The following NUP205 variants were observed in gnomAD, a reference collection of about 807,000 sequenced individuals.
NUP205 encodes nuclear pore complex protein Nup205.
NUP205 carries 76 observed loss-of-function variants against 253.8 expected under a neutral mutation model. The ratio of observed to expected loss-of-function variants is 0.30; its 90% CI spans 0.25 to 0.36. The LOEUF is 0.36. NUP205 is among the 10% of genes least tolerant of loss of function. NUP205 has a pLI of 1.00. For synonymous variants in NUP205, 832 were observed against 850.1 expected (o/e 0.98, Z 0.37); for missense variants, 2,162 against 2,425.5 (o/e 0.89, Z 2.28).
Position 135,618,985 on chromosome 7 carries a change from CCTTT to C in NUP205, c.3963+402_3963+405del, listed in dbSNP as rs759829106. On this transcript the variant is annotated intron_variant, in intron 28 of 42. Transcript: ENST00000285968. ...TAAATTTCTCTGTATATATTAGATTCCTTTCTTTCTTTCTTTCTTTCTTGACTAA... is the reference window on the plus strand; with the variant it reads ...TAAATTTCTCTGTATATATTAGATTCCTTTCTTTCTTTCTTTCTTGACTAA... Among the ~76,000 whole-genome samples the C allele has an allele frequency of 8.5e-5, 13 of 152,088 alleles. 1 individual carries two copies. Among genetic ancestry groups the C allele is most frequent in the African/African-American group, 2.7e-4 (11 of 41,478 alleles).
At position 135,587,679 on chromosome 7, in the gene NUP205, C is replaced by G; in HGVS notation, c.1323C>G (p.His441Gln). The G allele has an allele frequency of 1.3e-6, 2 of 1,597,090 alleles. No individual in the cohort carries two copies. The highest frequency in any genetic ancestry group is 1.7e-6 in the Non-Finnish European group (2 of 1,170,686). Residue 441 changes from histidine to glutamine, a missense_variant, in exon 9 of 43, where the codon CAC (histidine) becomes CAG (glutamine). This residue lies in a region of NUP205 where 892 missense variants were observed against 957.1 expected (regional missense o/e 0.93). Transcript: ENST00000285968. ...TTTCACTTAGAAGGGACCTGGAACA[C>G]TTAATGCTTTTGGTAAGCCATTATA... ...PPISLRRDLE[H>Q]LMLLIGELYK...
intron 22 of NUP205, among the ~76,000 whole-genome samples, chr7:135,612,320 A>T (rs561190433): frequency 6.6e-6 from 1 of 152,302 alleles, no homozygotes; most frequent in South Asian, 2.1e-4. Context: ...ATTCATAATC[A>T]TGTTTTATGT....
intron 7 of NUP205, among the ~76,000 whole-genome samples, chr7:135,579,363 T>G (rs1806244126): frequency 6.6e-6 from 1 of 151,412 alleles, no homozygotes. Context: ...CCTGGCTAAT[T>G]GTGTATTTTT....
chr7:135,633,492 T>A (rs1167594548), intron 35 of NUP205, among the ~76,000 whole-genome samples: 1 of 152,248 alleles, frequency 6.6e-6, no homozygotes, highest in Non-Finnish European at 1.5e-5. Context: ...GTGTGGCATT[T>A]AATAATTTTG....
chr7:135,570,686 A>G (rs1221171966), intron 1 of NUP205, among the ~76,000 whole-genome samples: 1 of 86,142 alleles, frequency 1.2e-5, no homozygotes, highest in African/African-American at 4.0e-5. Flanking sequence ...TATATTAATT[A>G]TATTAATATA....
At chr7:135,578,423 G>A (rs931392601) in intron 6 of NUP205, among the ~76,000 whole-genome samples, 1 of 152,120 alleles carries the variant, frequency 6.6e-6, no homozygotes, top group Non-Finnish European at 1.5e-5. Flanking sequence ...AAATTTTTGT[G>A]ATCTTTAGAT....
intron 30 of NUP205, 31 bp from the exon 31 acceptor site, chr7:135,622,746 G>A: frequency 1.2e-6 from 2 of 1,605,712 alleles, no homozygotes; most frequent in Non-Finnish European, 1.7e-6. Context: ...GCTTTTTACT[G>A]GAGTGTTTTT....
rs1189087688 is a variant in NUP205, at chr7:135,576,992, C to T, written c.512C>T (p.Thr171Ile). Reference protein sequence around the residue: ...ELSPELASMTTRFTDELMEQG... With the variant: ...ELSPELASMTIRFTDELMEQG... ...AGTCCAGAGCTGGCTTCCATGACAA[C>T]ACGCTTTACAGATGAGCTGATGGAG... The change falls in exon 5 of 43, where the codon ACA becomes ATA. Residue 171 changes from threonine (T) to isoleucine (I), a missense_variant. Around this residue, in one of 5 missense-constraint regions of NUP205, gnomAD observed 892 missense variants for 957.1 expected, o/e 0.93. Transcript: ENST00000285968. The T allele has an allele frequency of 1.2e-6, 2 of 1,613,510 alleles. No individual in the cohort carries two copies. The highest frequency in any genetic ancestry group is 1.7e-5 in the Admixed American group (1 of 59,794).
rs777937995 is a variant in NUP205, at chr7:135,593,106, C to T, written c.1744C>T (p.Arg582Cys). The T allele has an allele frequency of 2.5e-6, 4 of 1,614,054 alleles. No homozygotes were observed. The highest frequency in any genetic ancestry group is 1.1e-5 in the South Asian group (1 of 91,080). Residue 582 changes from arginine (R) to cysteine (C), a missense_variant, in exon 12 of 43, where the codon CGT (arginine) becomes TGT (cysteine). Transcript: ENST00000285968. ...DLPSADSVQY[R>C]HLPSRGITQK... is the part of the protein sequence containing the mutation. ...TCCAAGTGCAGATAGTGTCCAGTACCGTCACCTTCCTTCCCGTGGCATCAC... is the reference window on the plus strand; with the variant it reads ...TCCAAGTGCAGATAGTGTCCAGTACTGTCACCTTCCTTCCCGTGGCATCAC...
intron 7 of NUP205, among the ~76,000 whole-genome samples, chr7:135,582,864 G>A (rs1806346073): frequency 1.5e-5 from 2 of 132,888 alleles, no homozygotes; most frequent in African/African-American, 2.7e-5. Flanking sequence ...GCCGAGGCGG[G>A]TGGATCATGA....
intron 1 of NUP205, among the ~76,000 whole-genome samples, chr7:135,566,230 C>T (rs1199222406): frequency 6.6e-6 from 1 of 151,918 alleles, no homozygotes; most frequent in African/African-American, 2.4e-5. Flanking sequence ...TGCCTCAACC[C>T]TCCTTGTAGT....
intron 7 of NUP205, among the ~76,000 whole-genome samples, chr7:135,579,675 C>G (rs1806251571): frequency 6.6e-6 from 1 of 150,898 alleles, no homozygotes; most frequent in Non-Finnish European, 1.5e-5. Flanking sequence ...CCCGACTTTT[C>G]TTTTTTGTGG....
intron 22 of NUP205, among the ~76,000 whole-genome samples, chr7:135,607,985 A>G (rs557209461): frequency 7.4e-5 from 11 of 148,028 alleles, no homozygotes; most frequent in African/African-American, 2.8e-4. Flanking sequence ...TAGTTTTAGT[A>G]GAGATGGTGT....
intron 28 of NUP205, among the ~76,000 whole-genome samples, chr7:135,618,807 AG>A (rs1794412394): frequency 6.6e-6 from 1 of 152,152 alleles, no homozygotes; most frequent in Admixed American, 6.5e-5. Flanking sequence ...TTATCTCGGG[AG>A]CTTTGTAAAA....
At chr7:135,590,845 C>A (rs549131212) in intron 10 of NUP205, among the ~76,000 whole-genome samples, 2 of 152,170 alleles carry the variant, frequency 1.3e-5, no homozygotes, top group Non-Finnish European at 2.9e-5. Context: ...CATTTTTAAA[C>A]CTAGCTGATT....
intron 35 of NUP205, among the ~76,000 whole-genome samples, chr7:135,633,917 G>A (rs1313651139): frequency 6.6e-6 from 1 of 152,158 alleles, no homozygotes; most frequent in African/African-American, 2.4e-5. Flanking sequence ...GTTCAGCCCT[G>A]TATTATCCTA....
chr7:135,581,743 CT>C (rs1332320717), intron 7 of NUP205, among the ~76,000 whole-genome samples: 2 of 151,056 alleles, frequency 1.3e-5, no homozygotes, highest in African/African-American at 4.9e-5. Flanking sequence ...ATCCCAGCTG[CT>C]TGGGAGACTG....
intron 18 of NUP205, 151 bp from the exon 19 acceptor site, chr7:135,604,189 C>G: frequency 3.6e-6 from 2 of 563,040 alleles, no homozygotes; most frequent in Non-Finnish European, 6.0e-6. Context: ...CCCTAACAGA[C>G]TGCATCTATT....
Position 135,584,906 on chromosome 7 carries a change from A to G in NUP205, c.1117A>G (p.Met373Val), listed in dbSNP as rs770813366. The G allele has an allele frequency of 5.0e-6, 8 of 1,613,850 alleles. No homozygotes were observed. The highest frequency in any genetic ancestry group is 2.2e-5 in the East Asian group (1 of 44,880). The change falls in exon 8 of 43, where the codon ATG becomes GTG. Residue 373 changes from methionine (M) to valine (V), a missense_variant. Met to Val is a conservative substitution (Grantham distance 21). Coordinates refer to ENST00000285968, the MANE Select transcript of NUP205 (RefSeq NM_015135.3). ...AIADNVFLFLMESVVVSEYFY... is the reference protein window; with the variant it reads ...AIADNVFLFLVESVVVSEYFY... ...TGCTGACAACGTTTTCCTGTTCCTC[A>G]TGGAATCTGTAGTGGTATCAGAATA...
Sources: allele counts gnomAD v4.1 joint callset (sites outside exome capture counted in the v4.1 genomes callset), GRCh38; gene constraint gnomAD v4.1.1; regional missense constraint gnomAD v4.1.1; transcripts MANE v1.5; gene names NCBI Gene and HGNC (gene_info 2026-07-23, HGNC 2026-07-21).